LAMB4: variants seen among roughly 807,000 people sequenced by gnomAD.
LAMB4 encodes the protein laminin subunit beta-4.
In LAMB4, 196 loss-of-function variants were observed where a neutral mutation model predicts 199.2. The observed-to-expected ratio is 0.98, with a 90% CI of 0.88 to 1.11. The LOEUF is 1.11. LAMB4 is among the 50% of genes least tolerant of loss of function. The pLI, the probability that LAMB4 is intolerant of heterozygous loss-of-function variation, is 0.00. For missense variants in LAMB4, 2,080 were observed against 2,171.2 expected, an observed-to-expected ratio of 0.96 and a Z score of 0.83; for synonymous variants, 744 against 770.6, an observed-to-expected ratio of 0.97 and a Z score of 0.57.
intron 15 of LAMB4, among the ~76,000 whole-genome samples, chr7:108,078,734 AG>A (rs2036806793): frequency 6.6e-6 from 1 of 152,224 alleles, no homozygotes; most frequent in South Asian, 2.1e-4. Context: ...AATTTGGAAA[AG>A]CTTTTTAAAG....
At position 108,078,291 on chromosome 7, in the gene LAMB4, A is replaced by G. The variant is rs764643794; in HGVS notation, c.1913T>C (p.Ile638Thr). 2 of 1,608,152 alleles carry G rather than the reference A, an allele frequency of 1.2e-6. No homozygotes were observed. Among genetic ancestry groups the G allele is most frequent in the Admixed American group, 1.7e-5 (1 of 59,298 alleles). ...ACTCCCTCCAGGGGGGTTCACCACAATCTGGACAGTCCAGTCAGCTGCAGA... is the reference window on the plus strand; with the variant it reads ...ACTCCCTCCAGGGGGGTTCACCACAGTCTGGACAGTCCAGTCAGCTGCAGA... ...TQSAADWTVQ[I>T]VVNPPGGSEH... Residue 638 changes from isoleucine (I) to threonine (T), a missense_variant, in exon 16 of 34, where the codon ATT (isoleucine) becomes ACT (threonine). Ile to Thr is a moderately conservative substitution (Grantham distance 89). Transcript: ENST00000388781.
Position 108,049,855 on chromosome 7 carries a change from A to T in LAMB4, c.3917-324T>A, listed in dbSNP as rs146786194. On this transcript the variant is annotated intron_variant, in intron 26 of 33. Transcript: ENST00000388781. ...TCATTTCTTCCTCTGTAAATTGGTG[A>T]TAATAATTTGTGAGAATTGAGATAA... Among the ~76,000 whole-genome samples the T allele has an allele frequency of 7.6e-3, 1,163 of 152,322 alleles. 8 individuals carry two copies. Among genetic ancestry groups the T allele is most frequent in the African/African-American group, 0.027 (1,105 of 41,548 alleles).
intron 28 of LAMB4, among the ~76,000 whole-genome samples, chr7:108,045,246 G>T (rs544265290): frequency 1.3e-5 from 2 of 152,098 alleles, no homozygotes; most frequent in Non-Finnish European, 2.9e-5. Flanking sequence ...ACCCTAGGCA[G>T]CAAAGCACCA....
intron 2 of LAMB4, among the ~76,000 whole-genome samples, chr7:108,117,493 A>G (rs1015618696): frequency 6.6e-6 from 1 of 152,166 alleles, no homozygotes; most frequent in Admixed American, 6.5e-5. Flanking sequence ...ATCTAAAGTT[A>G]ACACACAAAG....
chr7:108,094,487 G>A (rs1315706842), intron 12 of LAMB4, among the ~76,000 whole-genome samples: 1 of 150,614 alleles, frequency 6.6e-6, no homozygotes. Flanking sequence ...ACAAAACCAT[G>A]TCCTCATAGG....
At chr7:108,094,115 G>A (rs565348491) in intron 12 of LAMB4, among the ~76,000 whole-genome samples, 3 of 152,184 alleles carry the variant, frequency 2.0e-5, no homozygotes, top group African/African-American at 4.8e-5. Flanking sequence ...CCATGGGGGG[G>A]GTCCCTGTTC....
rs1337122160 is a variant in LAMB4, at chr7:108,066,436, G to T, written c.2611C>A (p.Leu871Ile). ...HPCPCNRFAE[L>I]CDPETGSCFN... is the part of the protein sequence containing the mutation. The stretch of plus-strand genomic sequence containing the variant: ...CATGACCCTGTCTCAGGATCACAAA[G>T]TTCAGCAAACCTATTACAAGGGCAA... Residue 871 changes from leucine to isoleucine, a missense_variant, in exon 20 of 34, where the codon CTT (leucine) becomes ATT (isoleucine). Leu to Ile is a conservative substitution (Grantham distance 5). Coordinates refer to ENST00000388781, the MANE Select transcript of LAMB4 (RefSeq NM_007356.3). 3 of 1,614,206 alleles carry T rather than the reference G, an allele frequency of 1.9e-6. No individual in the cohort carries two copies. Among genetic ancestry groups the T allele is most frequent in the Non-Finnish European group, 2.5e-6 (3 of 1,180,034 alleles).
At chr7:108,090,459 T>C (rs1458456673) in intron 14 of LAMB4, among the ~76,000 whole-genome samples, 1 of 152,170 alleles carries the variant, frequency 6.6e-6, no homozygotes, top group East Asian at 1.9e-4. Flanking sequence ...CCTTAAGCCA[T>C]GGAGGGAGTA....
chr7:108,126,834 C>T (rs1584804912), intron 1 of LAMB4, among the ~76,000 whole-genome samples: 3 of 152,066 alleles, frequency 2.0e-5, no homozygotes, highest in African/African-American at 7.2e-5. Flanking sequence ...TCCCAAAGTG[C>T]TGGGATTACA....
intron 14 of LAMB4, among the ~76,000 whole-genome samples, chr7:108,084,528 T>A (rs906871256): frequency 6.6e-6 from 1 of 152,188 alleles, no homozygotes; most frequent in African/African-American, 2.4e-5. Context: ...GATATGCGCA[T>A]CATGTATGTC....
At chr7:108,034,160 T>G in intron 31 of LAMB4, 48 bp downstream of exon 31, 1 of 1,592,758 alleles carries the variant, frequency 6.3e-7, no homozygotes, top group Non-Finnish European at 8.6e-7. Flanking sequence ...ACTGTGTTGT[T>G]TTTACCCTCA....
intron 4 of LAMB4, among the ~76,000 whole-genome samples, 164 bp from the exon 5 acceptor site, chr7:108,109,408 C>A (rs1417922575): frequency 3.3e-5 from 5 of 152,186 alleles, no homozygotes; most frequent in African/African-American, 1.2e-4. Flanking sequence ...CCACTCCAAG[C>A]CCAGGAGGTA....
chr7:108,052,643 G>A (rs759399653), intron 25 of LAMB4, among the ~76,000 whole-genome samples: 10 of 152,148 alleles, frequency 6.6e-5, no homozygotes, highest in East Asian at 1.9e-4. Flanking sequence ...AAATAGAACC[G>A]TTTACTTAGC....
At chr7:108,115,913 C>T (rs2038388426) in intron 3 of LAMB4, 91 bp downstream of exon 3, 1 of 1,374,114 alleles carries the variant, frequency 7.3e-7, no homozygotes, top group African/African-American at 1.4e-5. Context: ...AAGTTGTCTC[C>T]TTTAATGTCT....
chr7:108,075,361 A>G (rs1232247171), intron 17 of LAMB4, among the ~76,000 whole-genome samples: 1 of 152,174 alleles, frequency 6.6e-6, no homozygotes, highest in Non-Finnish European at 1.5e-5. Flanking sequence ...TATGGTTGCC[A>G]GATGAAATGT....
chr7:108,056,322 C>T (rs1470779064), intron 24 of LAMB4, among the ~76,000 whole-genome samples: 2 of 152,138 alleles, frequency 1.3e-5, no homozygotes, highest in African/African-American at 2.4e-5. Flanking sequence ...GATGGACACA[C>T]GATAGTAACT....
chr7:108,089,839 T>C (rs1226868404), intron 14 of LAMB4, among the ~76,000 whole-genome samples: 1 of 152,208 alleles, frequency 6.6e-6, no homozygotes, highest in African/African-American at 2.4e-5. Flanking sequence ...TTTTTTGTCA[T>C]TGTTTTTGTA....
intron 10 of LAMB4, among the ~76,000 whole-genome samples, chr7:108,102,205 T>C (rs2150644125): frequency 6.6e-6 from 1 of 152,248 alleles, no homozygotes; most frequent in East Asian, 1.9e-4. Context: ...TTGTCATACC[T>C]AAAGGAAAAA....
In LAMB4 at chr7:108,130,342, C is replaced by G. The variant is rs1485587489; in HGVS notation, c.-70G>C. 1 of 151,956 alleles carries G rather than the reference C, an allele frequency of 6.6e-6. No homozygotes were observed. The highest frequency in any genetic ancestry group is 2.4e-5 in the African/African-American group (1 of 41,364). 9.4% of individuals were successfully genotyped at this position (151,956 alleles called of 1,614,324 possible). The stretch of plus-strand genomic sequence containing the variant: ...AGTCTTTGTGGAGAGGTTCAGGCAG[C>G]AAACGGGGCATGTGAAGACACACCT... On this transcript the variant is annotated 5_prime_UTR_variant, in exon 1 of 34. Coordinates refer to ENST00000388781, the MANE Select transcript of LAMB4 (RefSeq NM_007356.3).
Sources: gnomAD v4.1 joint callset for allele counts (sites outside exome capture counted in the v4.1 genomes callset) on GRCh38, gnomAD v4.1.1 for gene constraint, MANE v1.5 for transcripts, NCBI Gene and HGNC (gene_info 2026-07-23, HGNC 2026-07-21) for gene names.